PLCG2: variants seen among roughly 807,000 people sequenced by gnomAD.
The protein encoded by PLCG2 is 1-phosphatidylinositol 4,5-bisphosphate phosphodiesterase gamma-2.
A neutral mutation model predicts 175.6 loss-of-function variants in PLCG2; 69 were observed. The observed-to-expected ratio is 0.39, with a 90% CI of 0.32 to 0.48. The LOEUF is 0.48. Among genes scored for constraint, PLCG2 ranks in the 20% least tolerant of loss-of-function variants. PLCG2 has a pLI of 0.91. For synonymous variants in PLCG2, 827 were observed against 624.0 expected (o/e 1.33, Z -4.85); for missense variants, 1,798 against 1,650.9 (o/e 1.09, Z -1.54).
intron 1 of PLCG2, among the ~76,000 whole-genome samples, chr16:81,753,358 T>C (rs1439789197): frequency 6.6e-6 from 1 of 151,110 alleles, no homozygotes; most frequent in Admixed American, 6.6e-5. Flanking sequence ...TTTTTTTTTT[T>C]TTTTTTTTGT....
At chr16:81,923,647 T>C (rs1910145138) in intron 22 of PLCG2, 53 bp downstream of exon 22, 2 of 1,104,430 alleles carry the variant, frequency 1.8e-6, no homozygotes, top group Non-Finnish European at 1.4e-6. Flanking sequence ...ACTTGTCCCT[T>C]CTTGGTGATA....
At chr16:81,778,837 C>T (rs1910580186), upstream of PLCG2, among the ~76,000 whole-genome samples, 4 of 145,022 alleles carry the variant, frequency 2.8e-5, no homozygotes, top group Admixed American at 2.7e-4. Flanking sequence ...ATTTTTGAGA[C>T]GGAGTGTCTC....
Position 81,910,544 on chromosome 16 carries a change from C to T in PLCG2, c.1758C>T (p.Cys586=). The change falls in exon 18 of 33, where the codon TGC becomes TGT. Residue 586 remains cysteine (C), a synonymous_variant. Transcript: ENST00000564138. The part of the protein sequence containing the change: ...SFWRSGRVQH[C]RIRSTMEGGT... ...GGCGGTCAGGCCGGGTCCAGCACTG[C>T]CGGATCCGCTCCACCATGGAGGGCG... 6.2e-7 allele frequency: 1 copy of T among 1,614,096 alleles called. No individual in the cohort carries two copies. The highest frequency in any genetic ancestry group is 8.5e-7 in the Non-Finnish European group (1 of 1,179,994).
At chr16:81,792,581 T>A (rs892605029) in intron 2 of PLCG2, among the ~76,000 whole-genome samples, 1 of 151,596 alleles carries the variant, frequency 6.6e-6, no homozygotes, top group African/African-American at 2.4e-5. Flanking sequence ...GAGGTTTAAT[T>A]GACTCACACA....
chr16:81,856,468 A>G (rs1318949359), intron 3 of PLCG2, among the ~76,000 whole-genome samples: 1 of 152,168 alleles, frequency 6.6e-6, no homozygotes, highest in Admixed American at 6.5e-5. Flanking sequence ...GGTAATAGCA[A>G]CCATGGGTAT....
chr16:81,836,381 G>C lies in PLCG2; in HGVS notation c.194-18063G>C, dbSNP rs58902813. Among the ~76,000 whole-genome samples, 547 of 152,258 alleles carry C rather than the reference G, an allele frequency of 3.6e-3. 7 individuals carry two copies. Among genetic ancestry groups the C allele is most frequent in the African/African-American group, 0.013 (521 of 41,538 alleles). On this transcript the variant is annotated intron_variant, in intron 2 of 32. Transcript: ENST00000564138. The stretch of plus-strand genomic sequence containing the variant: ...CTGGTGGAGCCAAGAGGTTTTTGCT[G>C]TCTGCAGGGGAGAGCACTTTGGATC...
intron 2 of PLCG2, among the ~76,000 whole-genome samples, chr16:81,845,430 C>G (rs964826413): frequency 2.6e-5 from 4 of 152,188 alleles, no homozygotes; most frequent in African/African-American, 7.2e-5. Flanking sequence ...GTAAGTATCA[C>G]TATCACTCCT....
At chr16:81,931,459 T>C in intron 24 of PLCG2, 38 bp from the exon 25 acceptor site, 1 of 1,604,284 alleles carries the variant, frequency 6.2e-7, no homozygotes, top group Non-Finnish European at 8.5e-7. Context: ...GGCCCTCTAA[T>C]AGGCTGATTG....
rs1462250656 is a variant in PLCG2 at position 81,861,705 on chromosome 16, T to C, written c.479+2542T>C. Reference sequence around the variant, plus strand: ...TTTCTCTGTGGCTTATGATGATTCATAGCTGAGATTGGCACAGGGCTGAGA... The same window carrying C: ...TTTCTCTGTGGCTTATGATGATTCACAGCTGAGATTGGCACAGGGCTGAGA... On this transcript the variant is annotated intron_variant, in intron 5 of 32. Transcript: ENST00000564138. 5.3e-5 allele frequency among the ~76,000 whole-genome samples: 8 copies of C among 152,346 alleles called. No individual in the cohort carries two copies. In the East Asian group the frequency reaches 1.5e-3, roughly 29 times the overall value.
chr16:81,958,064 G>A lies in PLCG2; in HGVS notation c.*66G>A. On this transcript the variant is annotated 3_prime_UTR_variant, in exon 33 of 33. Coordinates refer to ENST00000564138, the MANE Select transcript of PLCG2 (RefSeq NM_002661.5). ...TGTGTGTTTGCATGTAGGAGAACGTGCCCTATTCACACTCTGGGAAGACGC... is the reference window on the plus strand; with the variant it reads ...TGTGTGTTTGCATGTAGGAGAACGTACCCTATTCACACTCTGGGAAGACGC... 1 of 1,143,238 alleles carries A rather than the reference G, an allele frequency of 8.7e-7. No individual in the cohort carries two copies. Among genetic ancestry groups the A allele is most frequent in the East Asian group, 2.3e-5 (1 of 42,586 alleles). The allele number at this position is 1,143,238 out of a possible 1,614,324, so 70.8% of individuals were successfully genotyped here.
chr16:81,844,878 G>A (rs890809078), intron 2 of PLCG2, among the ~76,000 whole-genome samples: 4 of 152,104 alleles, frequency 2.6e-5, no homozygotes, highest in Non-Finnish European at 5.9e-5. Context: ...TGTCATGTCG[G>A]TACATAAGGA....
chr16:81,833,842 C>T lies in PLCG2; in HGVS notation c.194-20602C>T, dbSNP rs535937693. ...GGGTTACAAGCATGAGCCACGGCGCCCGGCCTCCTGTGTGTCTTGCCTAAC... is the reference window on the plus strand; with the variant it reads ...GGGTTACAAGCATGAGCCACGGCGCTCGGCCTCCTGTGTGTCTTGCCTAAC... On this transcript the variant is annotated intron_variant, in intron 2 of 32. Transcript: ENST00000564138. Among the ~76,000 whole-genome samples, 7 of 152,280 alleles carry T rather than the reference C, an allele frequency of 4.6e-5. No individual in the cohort carries two copies. In the Middle Eastern group the frequency reaches 0.01, roughly 224 times the overall value.
At chr16:81,956,457 T>C (rs759012647) in intron 31 of PLCG2, among the ~76,000 whole-genome samples, 3 of 152,212 alleles carry the variant, frequency 2.0e-5, no homozygotes, top group Non-Finnish European at 2.9e-5. Flanking sequence ...TTTCAATGTT[T>C]TGCAATAAAT....
At chr16:81,829,163 CAGTGGCACGA>C (rs1328376447) in intron 2 of PLCG2, among the ~76,000 whole-genome samples, 2 of 152,154 alleles carry the variant, frequency 1.3e-5, no homozygotes, top group African/African-American at 2.4e-5. Flanking sequence ...GGCTGGAGTG[CAGTGGCACGA>C]TCTCGGCTCA....
intron 2 of PLCG2, among the ~76,000 whole-genome samples, chr16:81,810,367 C>T (rs1904307401): frequency 6.6e-6 from 1 of 152,198 alleles, no homozygotes; most frequent in Non-Finnish European, 1.5e-5. Flanking sequence ...GACCGTTTTT[C>T]TCTCAGCATC....
chr16:81,791,851 C>T (rs182650412), intron 2 of PLCG2, among the ~76,000 whole-genome samples: 17 of 152,282 alleles, frequency 1.1e-4, no homozygotes, highest in Admixed American at 7.2e-4. Context: ...AGGCATGAAC[C>T]ACTGCACCCA....
chr16:81,941,436 T>A (rs1177455786), intron 30 of PLCG2, among the ~76,000 whole-genome samples: 2 of 152,210 alleles, frequency 1.3e-5, no homozygotes, highest in African/African-American at 2.4e-5. Context: ...GCTCCCCAGA[T>A]GGTGCTTGGA....
chr16:81,778,065 C>CAAAAAAAAAAA, upstream of PLCG2, among the ~76,000 whole-genome samples: 1 of 32,290 alleles, frequency 3.1e-5, no homozygotes, highest in South Asian at 2.2e-3. Flanking sequence ...CAAAAAAAAC[C>CAAAAAAAAAAA]AAAAACACAC....
At chr16:81,953,000 C>G (rs777147402) in intron 31 of PLCG2, among the ~76,000 whole-genome samples, 60 of 152,234 alleles carry the variant, frequency 3.9e-4, no homozygotes, top group Non-Finnish European at 7.6e-4. Context: ...TCACGTACTT[C>G]CTGAGGTGAG....
Sources: gnomAD v4.1 joint callset for allele counts (sites outside exome capture counted in the v4.1 genomes callset) on GRCh38, gnomAD v4.1.1 for gene constraint, MANE v1.5 for transcripts, NCBI Gene and HGNC (gene_info 2026-07-23, HGNC 2026-07-21) for gene names.